EDARADD: variants seen among roughly 807,000 people sequenced by gnomAD.
The protein encoded by EDARADD is ectodysplasin-A receptor-associated adapter protein.
In EDARADD, 20 loss-of-function variants were observed where a neutral mutation model predicts 25.6. That is an observed-to-expected ratio of 0.78 (90% CI 0.55 to 1.14). The LOEUF is 1.14. EDARADD is among the 50% of genes most tolerant of loss of function. EDARADD has a pLI of 0.00. For synonymous variants in EDARADD, 86 were observed against 94.4 expected, an observed-to-expected ratio of 0.91 and a Z score of 0.52; for missense variants, 225 against 270.1, an observed-to-expected ratio of 0.83 and a Z score of 1.17.
At chr1:236,455,765 G>A (rs1273948068) in intron 4 of EDARADD, among the ~76,000 whole-genome samples, 1 of 151,868 alleles carries the variant, frequency 6.6e-6, no homozygotes, top group Non-Finnish European at 1.5e-5. Context: ...AAATCTCAAG[G>A]GGTCGGTTGC....
intron 3 of EDARADD, among the ~76,000 whole-genome samples, chr1:236,375,905 A>AAAG (rs1558103868): frequency 1.3e-5 from 2 of 148,856 alleles, no homozygotes; most frequent in African/African-American, 2.5e-5. Flanking sequence ...AAGAAAGAAA[A>AAAG]AAAAAAGAAT....
chr1:236,372,747 T>C (rs1381449211), intron 3 of EDARADD, among the ~76,000 whole-genome samples: 1 of 152,124 alleles, frequency 6.6e-6, no homozygotes, highest in African/African-American at 2.4e-5. Flanking sequence ...TAATAGATAA[T>C]AGGCTTATTC....
intron 3 of EDARADD, among the ~76,000 whole-genome samples, chr1:236,421,613 G>A (rs555832571): frequency 6.8e-5 from 10 of 147,458 alleles, no homozygotes; most frequent in Non-Finnish European, 1.5e-4. Flanking sequence ...TTCTCCTGCC[G>A]CAGCCTCCTG....
At chr1:236,368,099 G>A (rs1412434932) in intron 3 of EDARADD, among the ~76,000 whole-genome samples, 1 of 152,122 alleles carries the variant, frequency 6.6e-6, no homozygotes, top group Non-Finnish European at 1.5e-5. Context: ...GACAGAGTGA[G>A]ACCCTGTCTC....
chr1:236,468,805 G>T (rs1005691634), intron 5 of EDARADD, among the ~76,000 whole-genome samples: 4 of 152,128 alleles, frequency 2.6e-5, no homozygotes, highest in South Asian at 2.1e-4. Flanking sequence ...CATGTGAGGG[G>T]CACGGCAGGG....
At chr1:236,435,798 G>C (rs76632718) in intron 4 of EDARADD, among the ~76,000 whole-genome samples, 7,949 of 151,984 alleles carry the variant, frequency 0.052, 610 homozygotes, top group African/African-American at 0.17. Flanking sequence ...AGAGAGAAGG[G>C]GGATAATACG....
At chr1:236,455,080 G>A (rs1202923282) in intron 4 of EDARADD, among the ~76,000 whole-genome samples, 1 of 152,050 alleles carries the variant, frequency 6.6e-6, no homozygotes, top group Non-Finnish European at 1.5e-5. Flanking sequence ...CGTGGTGGCG[G>A]GCGCCTGTAG....
At chr1:236,390,584 T>C (rs1667410370), upstream of EDARADD, among the ~76,000 whole-genome samples, 1 of 152,050 alleles carries the variant, frequency 6.6e-6, no homozygotes, top group Non-Finnish European at 1.5e-5. Context: ...ATTAACCAAA[T>C]ACCACCTGTA....
chr1:236,430,616 T>G (rs1571930328), intron 4 of EDARADD, among the ~76,000 whole-genome samples: 1 of 50,692 alleles, frequency 2.0e-5, no homozygotes, highest in African/African-American at 3.7e-5. Flanking sequence ...ACAAAATGTC[T>G]TCTTCTCCTA....
At chr1:236,362,768 G>A (rs1208026398) in intron 3 of EDARADD, among the ~76,000 whole-genome samples, 1 of 151,418 alleles carries the variant, frequency 6.6e-6, no homozygotes, top group Non-Finnish European at 1.5e-5. Flanking sequence ...TCAATATCCA[G>A]TTATTCCAGC....
intron 3 of EDARADD, among the ~76,000 whole-genome samples, chr1:236,376,863 T>A (rs1354735562): frequency 1.3e-5 from 2 of 152,064 alleles, no homozygotes; most frequent in Admixed American, 6.5e-5. Context: ...TTTTCCAATC[T>A]TTTTTCTCTT....
At chr1:236,443,148 A>T (rs1327558433) in intron 4 of EDARADD, among the ~76,000 whole-genome samples, 2 of 152,230 alleles carry the variant, frequency 1.3e-5, no homozygotes, top group African/African-American at 4.8e-5. Flanking sequence ...CCCTCACCAG[A>T]TGCAGCCCCT....
chr1:236,463,019 A>C (rs1398394413), intron 4 of EDARADD, among the ~76,000 whole-genome samples: 2 of 151,916 alleles, frequency 1.3e-5, no homozygotes, highest in Admixed American at 6.6e-5. Flanking sequence ...GATTATGCAA[A>C]TGCATACCTA....
At chr1:236,433,810 T>A (rs1368157860) in intron 4 of EDARADD, among the ~76,000 whole-genome samples, 2 of 150,892 alleles carry the variant, frequency 1.3e-5, no homozygotes, top group African/African-American at 2.4e-5. Context: ...GCAGAGGTTG[T>A]GGTAAGCCGA....
intron 3 of EDARADD, 134 bp from the exon 4 acceptor site, chr1:236,427,258 C>A: frequency 1.2e-6 from 1 of 804,064 alleles, no homozygotes; most frequent in Non-Finnish European, 2.0e-6. Flanking sequence ...AATTTGTAGT[C>A]CAGCCCTTCT....
chr1:236,368,927 GA>G (rs1667143658), intron 3 of EDARADD, among the ~76,000 whole-genome samples: 1 of 152,020 alleles, frequency 6.6e-6, no homozygotes, highest in Admixed American at 6.6e-5. Flanking sequence ...GTCTTCCCAA[GA>G]ATATGTAAAT....
rs1338824581 is a variant in EDARADD, at chr1:236,428,943, G to A, written c.219+1493G>A. 2.6e-5 allele frequency among the ~76,000 whole-genome samples: 4 copies of A among 152,190 alleles called. No individual in the cohort carries two copies. In the South Asian group the frequency reaches 8.3e-4, roughly 32 times the overall value. On this transcript the variant is annotated intron_variant, in intron 4 of 5. Transcript: ENST00000334232. ...GCGGTCAGGAGCTGGAGACACGCCC[G>A]GCCAACAGGGCGAAACCCCGTCTCC...
intron 3 of EDARADD, among the ~76,000 whole-genome samples, chr1:236,388,785 A>T (rs909898799): frequency 2.0e-5 from 3 of 152,198 alleles, no homozygotes; most frequent in African/African-American, 7.2e-5. Flanking sequence ...ATCCAAGTCC[A>T]CCTTCTTGTC....
chr1:236,371,510 G>A (rs564874444), intron 3 of EDARADD, among the ~76,000 whole-genome samples: 5 of 151,694 alleles, frequency 3.3e-5, no homozygotes, highest in East Asian at 1.9e-4. Flanking sequence ...GTTATTGATC[G>A]TATCAGAAAA....
Sources: gnomAD v4.1 joint callset for allele counts (sites outside exome capture counted in the v4.1 genomes callset) on GRCh38, gnomAD v4.1.1 for gene constraint, MANE v1.5 for transcripts, NCBI Gene and HGNC (gene_info 2026-07-23, HGNC 2026-07-21) for gene names.